The following PCDH15 variants were observed in gnomAD, a reference collection of about 807,000 sequenced individuals.
PCDH15 encodes protocadherin-15.
In PCDH15, 129 loss-of-function variants were observed where a neutral mutation model predicts 178.5. The observed-to-expected ratio is 0.72, with a 90% CI of 0.63 to 0.84. The LOEUF (loss-of-function observed/expected upper bound fraction) is 0.84. Among genes scored for constraint, PCDH15 ranks in the 40% least tolerant of loss-of-function variants. The probability of loss-of-function intolerance (pLI) is 0.00; values close to 1 mark genes in which losing one functional copy is unlikely to be tolerated. For missense variants in PCDH15, 2,230 were observed against 2,099.9 expected, an observed-to-expected ratio of 1.06 and a Z score of -1.21; for synonymous variants, 800 against 732.0, an observed-to-expected ratio of 1.09 and a Z score of -1.50.
Position 54,093,023 on chromosome 10 carries a change from T to C in PCDH15, c.1918-2960A>G, listed in dbSNP as rs190047906. Among the ~76,000 whole-genome samples, 183 of 152,216 alleles carry C rather than the reference T, an allele frequency of 1.2e-3. 3 individuals carry two copies. The highest frequency in any genetic ancestry group is 3.4e-3 in the Middle Eastern group (1 of 294). ...TTAAGACCAGATTAATATCGAATCT[T>C]TTATTATATCAGATCTACTCTAATA... On this transcript the variant is annotated intron_variant, in intron 15 of 37. Transcript: ENST00000644397.
chr10:55,524,680 G>A lies in PCDH15; in HGVS notation c.-156+102945C>T, dbSNP rs1841264305. 2.6e-5 allele frequency among the ~76,000 whole-genome samples: 4 copies of A among 151,412 alleles called. No homozygotes were observed. The South Asian group carries it at 8.3e-4, about 31-fold the overall frequency. Reference sequence around the variant, plus strand: ...CTTATTGTAGGATGAAATATTGCATGTATTTGTTTCTGATACCTCAGAAAG... The same window carrying A: ...CTTATTGTAGGATGAAATATTGCATATATTTGTTTCTGATACCTCAGAAAG... On this transcript the variant is annotated intron_variant, in intron 2 of 5. Coordinates refer to the PCDH15 transcript ENST00000613346.
chr10:54,395,774 A>G (rs1313108894), intron 3 of PCDH15, among the ~76,000 whole-genome samples: 1 of 152,164 alleles, frequency 6.6e-6, no homozygotes, highest in Non-Finnish European at 1.5e-5. Flanking sequence ...ACATTTTTCA[A>G]TGCATTTAAT....
At chr10:54,076,844 G>C (rs1182905582) in intron 17 of PCDH15, among the ~76,000 whole-genome samples, 1 of 151,826 alleles carries the variant, frequency 6.6e-6, no homozygotes, top group South Asian at 2.1e-4. Flanking sequence ...ACTCATCCTG[G>C]CAATTTGTTT....
chr10:55,346,250 A>G lies in PCDH15; in HGVS notation c.-155-179599T>C, dbSNP rs541087820. On this transcript the variant is annotated intron_variant, in intron 2 of 5. Coordinates refer to the PCDH15 transcript ENST00000613346. ...AAAAAGTATCAAAGAAAAATGAACAAATCTGTTGGTCTCAAATATAGAAGT... is the reference window on the plus strand; with the variant it reads ...AAAAAGTATCAAAGAAAAATGAACAGATCTGTTGGTCTCAAATATAGAAGT... 5.9e-5 allele frequency among the ~76,000 whole-genome samples: 9 copies of G among 152,256 alleles called. No individual in the cohort carries two copies. In the East Asian group the frequency reaches 7.7e-4, roughly 13 times the overall value.
intron 1 of PCDH15, among the ~76,000 whole-genome samples, chr10:54,766,717 C>T (rs543479794): frequency 3.9e-5 from 6 of 151,986 alleles, no homozygotes; most frequent in African/African-American, 1.4e-4. Flanking sequence ...ATCACAAGAT[C>T]AGGAGATAGA....
chr10:53,893,472 T>TTA (rs1209806568), intron 26 of PCDH15, among the ~76,000 whole-genome samples: 7 of 152,188 alleles, frequency 4.6e-5, no homozygotes, highest in Non-Finnish European at 1.0e-4. Context: ...TAAGAAGTCA[T>TTA]TATATGAAAA....
chr10:55,412,440 C>T lies in PCDH15; in HGVS notation c.-156+215185G>A, dbSNP rs191187035. The stretch of plus-strand genomic sequence containing the variant: ...AGACAAAAGCATGCCTGCATATGTG[C>T]AATAGAGTAGAGTGGGGAGTGTGGC... On this transcript the variant is annotated intron_variant, in intron 2 of 5. Coordinates refer to the PCDH15 transcript ENST00000613346. 1.4e-3 allele frequency among the ~76,000 whole-genome samples: 218 copies of T among 151,842 alleles called. 1 individual carries two copies. The highest frequency in any genetic ancestry group is 4.8e-3 in the African/African-American group (198 of 41,460).
chr10:53,992,097 A>G (rs755068057), intron 21 of PCDH15, among the ~76,000 whole-genome samples: 2 of 151,960 alleles, frequency 1.3e-5, no homozygotes, highest in Non-Finnish European at 2.9e-5. Flanking sequence ...TCCTGAGGCC[A>G]GCGAGACCAT....
chr10:54,224,977 A>G (rs1382267049), intron 9 of PCDH15, among the ~76,000 whole-genome samples: 1 of 152,150 alleles, frequency 6.6e-6, no homozygotes, highest in Non-Finnish European at 1.5e-5. Flanking sequence ...ACTGTGTAAT[A>G]GCCACCAAAA....
chr10:55,561,950 T>A (rs2132099964), intron 2 of PCDH15, among the ~76,000 whole-genome samples: 1 of 152,094 alleles, frequency 6.6e-6, no homozygotes, highest in South Asian at 2.1e-4. Flanking sequence ...TTTTTTAGTC[T>A]GGGAGGCAAG....
At chr10:55,351,587 C>T (rs894505364) in intron 2 of PCDH15, among the ~76,000 whole-genome samples, 1 of 152,010 alleles carries the variant, frequency 6.6e-6, no homozygotes, top group African/African-American at 2.4e-5. Flanking sequence ...AAATTCAAAC[C>T]AAGCCACTTC....
chr10:54,740,297 G>T (rs1944616304), intron 1 of PCDH15, among the ~76,000 whole-genome samples: 1 of 151,894 alleles, frequency 6.6e-6, no homozygotes, highest in Non-Finnish European at 1.5e-5. Context: ...CACTAGCCAT[G>T]GGGAACGTAA....
intron 1 of PCDH15, among the ~76,000 whole-genome samples, chr10:54,673,351 T>G (rs555761988): frequency 1.3e-5 from 2 of 152,316 alleles, no homozygotes; most frequent in African/African-American, 4.8e-5. Flanking sequence ...TGTGTTAGTT[T>G]GCTGAAAATG....
intron 2 of PCDH15, among the ~76,000 whole-genome samples, chr10:54,551,494 T>C (rs1353372174): frequency 2.6e-5 from 4 of 152,050 alleles, no homozygotes; most frequent in African/African-American, 9.7e-5. Flanking sequence ...GAAGATGACC[T>C]AAAAGAATAA....
At chr10:54,492,999 T>C (rs946284006) in intron 3 of PCDH15, among the ~76,000 whole-genome samples, 2 of 151,994 alleles carry the variant, frequency 1.3e-5, no homozygotes, top group African/African-American at 2.4e-5. Context: ...AGAGAGAGAA[T>C]TTGTGCAGAG....
chr10:53,904,540 TC>T (rs1391952331), intron 25 of PCDH15, among the ~76,000 whole-genome samples: 2 of 151,808 alleles, frequency 1.3e-5, no homozygotes, highest in East Asian at 1.9e-4. Flanking sequence ...TTTGCTCCTA[TC>T]CTGCTGCTAC....
chr10:54,799,213 T>G (rs149518352), intron 1 of PCDH15, among the ~76,000 whole-genome samples: 309 of 151,374 alleles, frequency 2.0e-3, no homozygotes, highest in African/African-American at 7.2e-3. Flanking sequence ...TACTGGAGAA[T>G]TTTTGCAAGT....
intron 2 of PCDH15, among the ~76,000 whole-genome samples, chr10:54,552,097 T>C (rs2086681069): frequency 6.6e-6 from 1 of 152,144 alleles, no homozygotes; most frequent in Non-Finnish European, 1.5e-5. Context: ...TATCTCTCCA[T>C]GTTCCCTGCT....
At chr10:55,301,753 G>C (rs1843286411) in intron 1 of PCDH15, among the ~76,000 whole-genome samples, 1 of 152,070 alleles carries the variant, frequency 6.6e-6, no homozygotes, top group Non-Finnish European at 1.5e-5. Context: ...TCCAGTTTGA[G>C]TTAATGTTTT....
Sources: gnomAD v4.1 joint callset for allele counts (sites outside exome capture counted in the v4.1 genomes callset) on GRCh38, gnomAD v4.1.1 for gene constraint, MANE v1.5 for transcripts, NCBI Gene and HGNC (gene_info 2026-07-23, HGNC 2026-07-21) for gene names.